NAALADL2: variants seen among roughly 807,000 people sequenced by gnomAD.
The protein encoded by NAALADL2 is inactive N-acetylated-alpha-linked acidic dipeptidase-like protein 2.
A neutral mutation model predicts 87.2 loss-of-function variants in NAALADL2; 76 were observed. That is an observed-to-expected ratio of 0.87 (90% CI 0.72 to 1.05). NAALADL2 has a LOEUF of 1.05. Among genes scored for constraint, NAALADL2 ranks in the 50% least tolerant of loss-of-function variants. NAALADL2 has a pLI of 0.00. For missense variants in NAALADL2, 1,089 were observed against 945.8 expected, an observed-to-expected ratio of 1.15 and a Z score of -1.99; for synonymous variants, 354 against 331.0, an observed-to-expected ratio of 1.07 and a Z score of -0.75.
chr3:175,255,437 T>A (rs1348573644), intron 3 of NAALADL2, among the ~76,000 whole-genome samples: 1 of 152,230 alleles, frequency 6.6e-6, no homozygotes, highest in Non-Finnish European at 1.5e-5. Context: ...CATCTTTATT[T>A]TTTTCATGAT....
At chr3:175,656,727 G>A (rs1410378164) in intron 11 of NAALADL2, among the ~76,000 whole-genome samples, 2 of 150,384 alleles carry the variant, frequency 1.3e-5, no homozygotes, top group Non-Finnish European at 2.9e-5. Flanking sequence ...GTGTATGTGT[G>A]TGTGTGTGTG....
intron 2 of NAALADL2, among the ~76,000 whole-genome samples, chr3:174,674,640 T>G (rs1282682900): frequency 6.6e-6 from 1 of 152,078 alleles, no homozygotes; most frequent in Non-Finnish European, 1.5e-5. Context: ...TACCCTTTTA[T>G]TGGGCCTAAA....
chr3:175,202,631 A>G (rs1367264444), intron 2 of NAALADL2, among the ~76,000 whole-genome samples: 1 of 152,116 alleles, frequency 6.6e-6, no homozygotes, highest in Non-Finnish European at 1.5e-5. Context: ...AGAGAGCATC[A>G]GCTGTGGTAG....
intron 5 of NAALADL2, among the ~76,000 whole-genome samples, chr3:175,370,958 C>T (rs1766403739): frequency 1.3e-5 from 2 of 152,062 alleles, no homozygotes; most frequent in South Asian, 4.1e-4. Flanking sequence ...AATGTCATAA[C>T]ATTATGTTCA....
At chr3:175,457,033 T>C (rs1722417822) in intron 6 of NAALADL2, among the ~76,000 whole-genome samples, 1 of 152,104 alleles carries the variant, frequency 6.6e-6, no homozygotes, top group African/African-American at 2.4e-5. Context: ...AGAGTGAGAC[T>C]ATGTTTTTCC....
intron 3 of NAALADL2, among the ~76,000 whole-genome samples, chr3:174,790,931 G>A (rs964669995): frequency 2.6e-5 from 4 of 151,982 alleles, no homozygotes; most frequent in South Asian, 4.1e-4. Flanking sequence ...AAATACAATC[G>A]GAAGATATAA....
chr3:175,314,076 A>C (rs934102455), intron 4 of NAALADL2, among the ~76,000 whole-genome samples: 1 of 150,640 alleles, frequency 6.6e-6, no homozygotes, highest in African/African-American at 2.4e-5. Flanking sequence ...CCATCTCAAA[A>C]AAAAAAAAAA....
At chr3:175,533,529 G>C (rs756220288) in intron 9 of NAALADL2, among the ~76,000 whole-genome samples, 1 of 152,158 alleles carries the variant, frequency 6.6e-6, no homozygotes, top group Non-Finnish European at 1.5e-5. Context: ...CACTACTGGG[G>C]ATGGGGAAGC....
intron 5 of NAALADL2, among the ~76,000 whole-genome samples, chr3:175,339,565 G>A (rs1207046679): frequency 6.6e-6 from 1 of 152,156 alleles, no homozygotes; most frequent in Non-Finnish European, 1.5e-5. Flanking sequence ...GCTTGATAAT[G>A]AGGACATACT....
chr3:174,785,917 G>C (rs892894279), intron 3 of NAALADL2, among the ~76,000 whole-genome samples: 1 of 152,082 alleles, frequency 6.6e-6, no homozygotes, highest in African/African-American at 2.4e-5. Flanking sequence ...CAGTAGATTA[G>C]AGCAGGTTAT....
intron 10 of NAALADL2, among the ~76,000 whole-genome samples, chr3:175,620,938 C>G (rs1726137666): frequency 6.6e-6 from 1 of 152,102 alleles, no homozygotes; most frequent in Non-Finnish European, 1.5e-5. Flanking sequence ...AGAGGGGACC[C>G]AAAAGCGGGT....
At chr3:175,106,927 A>G (rs1723261985) in intron 2 of NAALADL2, among the ~76,000 whole-genome samples, 1 of 152,062 alleles carries the variant, frequency 6.6e-6, no homozygotes, top group South Asian at 2.1e-4. Flanking sequence ...TATCGAATCA[A>G]TTAAATATTG....
intron 13 of NAALADL2, among the ~76,000 whole-genome samples, chr3:175,777,282 T>C (rs1364510742): frequency 1.3e-5 from 2 of 152,020 alleles, no homozygotes; most frequent in Non-Finnish European, 2.9e-5. Flanking sequence ...TTCGATAATG[T>C]ACTTTTCTAA....
chr3:175,398,343 AC>A (rs1197636561), intron 5 of NAALADL2, among the ~76,000 whole-genome samples: 10 of 107,802 alleles, frequency 9.3e-5, no homozygotes, highest in African/African-American at 3.0e-4. Flanking sequence ...TGCTTCTGCT[AC>A]TTTTTTTTTT....
intron 9 of NAALADL2, among the ~76,000 whole-genome samples, chr3:175,563,915 C>T (rs1022553298): frequency 1.3e-5 from 2 of 152,126 alleles, no homozygotes; most frequent in Non-Finnish European, 2.9e-5. Context: ...AATGGGCTCA[C>T]TCCAGCAAAG....
chr3:174,540,152 A>C (rs1276534865), intron 1 of NAALADL2, among the ~76,000 whole-genome samples: 1 of 152,174 alleles, frequency 6.6e-6, no homozygotes, highest in Non-Finnish European at 1.5e-5. Context: ...GTGTTGAACC[A>C]AAAGTTCACA....
intron 1 of NAALADL2, among the ~76,000 whole-genome samples, chr3:175,072,693 T>A (rs1243359318): frequency 3.9e-5 from 3 of 76,804 alleles, no homozygotes; most frequent in East Asian, 5.0e-4. Context: ...AAAAACGGGG[T>A]GGGGGGAGGG....
chr3:175,293,418 C>A (rs975845934), intron 4 of NAALADL2, among the ~76,000 whole-genome samples: 6 of 151,960 alleles, frequency 3.9e-5, no homozygotes, highest in Non-Finnish European at 8.8e-5. Context: ...TTAGCACTAT[C>A]GATATGGAAA....
intron 1 of NAALADL2, among the ~76,000 whole-genome samples, chr3:174,449,983 T>C (rs1468727270): frequency 6.6e-6 from 1 of 151,208 alleles, no homozygotes; most frequent in Non-Finnish European, 1.5e-5. Flanking sequence ...AGTTAAAGCA[T>C]ATATATACAC....
Sources: gnomAD v4.1 joint callset for allele counts (sites outside exome capture counted in the v4.1 genomes callset) on GRCh38, gnomAD v4.1.1 for gene constraint, MANE v1.5 for transcripts, NCBI Gene and HGNC (gene_info 2026-07-23, HGNC 2026-07-21) for gene names.